Variants in MAP7D2 observed in about 807,000 individuals in gnomAD.
MAP7D2 encodes the protein MAP7 domain-containing protein 2.
In MAP7D2, 33 loss-of-function variants were observed where a neutral mutation model predicts 63.5. The ratio of observed to expected loss-of-function variants is 0.52; its 90% CI spans 0.39 to 0.70. The LOEUF is 0.70. Ranked by LOEUF, MAP7D2 falls within the 30% of genes least tolerant of loss-of-function variation. The pLI is 0.00. For synonymous variants in MAP7D2, 224 were observed against 223.7 expected (o/e 1.00, Z -0.01); for missense variants, 626 against 604.0 (o/e 1.04, Z -0.38).
At chrX:20,100,574 G>A (rs898681433) in intron 1 of MAP7D2, among the ~76,000 whole-genome samples, 2 of 107,480 alleles carry the variant, frequency 1.9e-5, no homozygotes, top group Non-Finnish European at 3.9e-5. Context: ...AACAGAGGTA[G>A]GTGAGTTAGA....
At chrX:20,094,556 A>G (rs995801144) in intron 1 of MAP7D2, among the ~76,000 whole-genome samples, 5 of 12,140 alleles carry the variant, frequency 4.1e-4, no homozygotes, top group African/African-American at 1.1e-3. Context: ...ATATATATAT[A>G]TATATATATA....
intron 10 of MAP7D2, 92 bp from the exon 11 acceptor site, chrX:20,016,417 C>T: frequency 1.4e-6 from 1 of 711,728 alleles, no homozygotes; most frequent in Non-Finnish European, 2.2e-6. Flanking sequence ...TAATGCTCCA[C>T]ATGGTAACAC....
intron 1 of MAP7D2, among the ~76,000 whole-genome samples, chrX:20,072,916 G>A (rs2065541666): frequency 8.9e-6 from 1 of 112,320 alleles, no homozygotes. Flanking sequence ...ATGAAAATGT[G>A]ATGGTATTTT....
chrX:20,110,079 A>G (rs2066696530), intron 1 of MAP7D2, among the ~76,000 whole-genome samples: 1 of 108,249 alleles, frequency 9.2e-6, no homozygotes, highest in Non-Finnish European at 1.9e-5. Flanking sequence ...AATAAAGTGG[A>G]TGGTTGCACA....
intron 1 of MAP7D2, among the ~76,000 whole-genome samples, chrX:20,065,306 G>A (rs1603384177): frequency 3.0e-5 from 3 of 98,589 alleles, no homozygotes; most frequent in East Asian, 3.1e-4. Context: ...TCACTCTGTC[G>A]CCTGGGCTGG....
intron 1 of MAP7D2, among the ~76,000 whole-genome samples, chrX:20,110,516 G>A (rs921120117): frequency 9.3e-6 from 1 of 107,995 alleles, no homozygotes; most frequent in African/African-American, 3.4e-5. Context: ...ACAAAAATGA[G>A]CCAGACATAG....
At chrX:20,079,804 G>A (rs921016220) in intron 1 of MAP7D2, among the ~76,000 whole-genome samples, 1 of 111,177 alleles carries the variant, frequency 9.0e-6, no homozygotes, top group Non-Finnish European at 1.9e-5. Flanking sequence ...ACAAGTTGGG[G>A]CAGATGACCA....
intron 1 of MAP7D2, among the ~76,000 whole-genome samples, chrX:20,107,573 G>GCC (rs200020314): frequency 1.9e-5 from 2 of 107,847 alleles, no homozygotes; most frequent in African/African-American, 6.9e-5. Flanking sequence ...TCTGTTTCCC[G>GCC]CCCCCCCCAA....
chrX:20,111,568 T>C (rs1569160199), intron 1 of MAP7D2, among the ~76,000 whole-genome samples: 1 of 111,595 alleles, frequency 9.0e-6, no homozygotes, highest in Non-Finnish European at 1.9e-5. Flanking sequence ...TCTCGTGGTC[T>C]CTATATAGAC....
chrX:20,053,851 A>AT (rs1227892545), intron 4 of MAP7D2, among the ~76,000 whole-genome samples: 9 of 109,265 alleles, frequency 8.2e-5, no homozygotes, highest in African/African-American at 2.7e-4. Flanking sequence ...ATCTTAAATA[A>AT]TTTTTTTTTT....
chrX:20,115,690 C>A (rs2066874316), intron 1 of MAP7D2, among the ~76,000 whole-genome samples: 2 of 111,473 alleles, frequency 1.8e-5, no homozygotes, highest in Admixed American at 9.5e-5. Context: ...ACTACCTCGC[C>A]CCCTCAACCC....
intron 10 of MAP7D2, among the ~76,000 whole-genome samples, chrX:20,021,104 T>G (rs1204271052): frequency 8.9e-6 from 1 of 112,465 alleles, no homozygotes; most frequent in African/African-American, 3.2e-5. Flanking sequence ...GCCAGTGCCT[T>G]CCCCAGGGTG....
chrX:20,034,286 G>A (rs1161323436), intron 8 of MAP7D2, among the ~76,000 whole-genome samples: 2 of 99,581 alleles, frequency 2.0e-5, no homozygotes, highest in African/African-American at 7.4e-5. Flanking sequence ...GCAGTGGCTC[G>A]CACCTGTAAC....
chrX:20,114,710 T>G (rs759879326), intron 1 of MAP7D2, among the ~76,000 whole-genome samples: 1 of 112,333 alleles, frequency 8.9e-6, no homozygotes, highest in Non-Finnish European at 1.9e-5. Context: ...ATCCCCTAAG[T>G]GTGCAACACA....
rs370712039 is a variant in MAP7D2, at chrX:20,011,061, G to A, written c.2073-9C>T. ...CTTCTTTTGAAACAGGACTAGAAGAGATGAACGAGAGGGAGAGAGGCAGAA... is the reference window on the plus strand; with the variant it reads ...CTTCTTTTGAAACAGGACTAGAAGAAATGAACGAGAGGGAGAGAGGCAGAA... On this transcript the variant is annotated splice_polypyrimidine_tract_variant and intron_variant, in intron 15 of 16. Coordinates refer to ENST00000379643, the MANE Select transcript of MAP7D2 (RefSeq NM_001168465.2). The A allele has an allele frequency of 5.8e-6, 7 of 1,200,369 alleles. No homozygotes were observed. The African/African-American group carries it at 1.2e-4, about 21-fold the overall frequency.
intron 1 of MAP7D2, among the ~76,000 whole-genome samples, chrX:20,078,815 A>G (rs1450319333): frequency 4.5e-5 from 5 of 110,269 alleles, no homozygotes; most frequent in Non-Finnish European, 9.4e-5. Context: ...TCATTACCTG[A>G]CCACCACCAT....
At position 20,010,961 on chromosome X, in the gene MAP7D2, C is replaced by A; in HGVS notation, c.2164G>T (p.Gly722Cys). ...PGVSLDQNGT[G>C]NARALQDLLD... ...AGATCTTGAAGTGCTCGGGCATTAC[C>A]AGTTCCATTTTGGTCCAGAGACACC... Residue 722 changes from glycine to cysteine, a missense_variant, in exon 16 of 17, where the codon GGT becomes TGT. Physicochemically the swap from Gly to Cys is radical, Grantham distance 159. Transcript: ENST00000379643. 8.3e-7 allele frequency: 1 copy of A among 1,211,267 alleles called. No homozygotes were observed. Among genetic ancestry groups the A allele is most frequent in the Non-Finnish European group, 1.1e-6 (1 of 895,308 alleles).
Position 20,013,048 on chromosome X carries a change from A to T in MAP7D2, c.1885+6T>A. 1.7e-6 allele frequency: 2 copies of T among 1,202,677 alleles called. No homozygotes were observed. The highest frequency in any genetic ancestry group is 2.3e-6 in the Non-Finnish European group (2 of 887,966). ...GAAGAACCCAAGAACCAGATGTCACACTCACCCATTTTGTTGGGGACAACC... is the reference window on the plus strand; with the variant it reads ...GAAGAACCCAAGAACCAGATGTCACTCTCACCCATTTTGTTGGGGACAACC... On this transcript the variant is annotated splice_donor_region_variant and intron_variant, in intron 14 of 16. Transcript: ENST00000379643.
intron 1 of MAP7D2, among the ~76,000 whole-genome samples, chrX:20,073,328 GAGCAAAAATAAATGTT>G (rs1245010313): frequency 9.0e-6 from 1 of 111,057 alleles, no homozygotes; most frequent in Non-Finnish European, 1.9e-5. Context: ...TAAAACTGGG[GAGCAAAAATAAATGTT>G]AGCAAGTTGG....
Sources: allele counts gnomAD v4.1 joint callset (sites outside exome capture counted in the v4.1 genomes callset), GRCh38; gene constraint gnomAD v4.1.1; transcripts MANE v1.5; gene names NCBI Gene and HGNC (gene_info 2026-07-23, HGNC 2026-07-21).